The following SV2C variants were observed in gnomAD, a reference collection of about 807,000 sequenced individuals.
SV2C encodes solute carrier family 22 member B3.
In SV2C, 49 loss-of-function variants were observed where a neutral mutation model predicts 79.7. The ratio of observed to expected loss-of-function variants is 0.61; its 90% CI spans 0.49 to 0.78. The LOEUF is 0.78. SV2C is among the 30% of genes least tolerant of loss of function. The pLI, the probability that SV2C is intolerant of heterozygous loss-of-function variation, is 0.00. For synonymous variants in SV2C, 334 were observed against 333.2 expected (o/e 1.00, Z -0.03); for missense variants, 833 against 912.9 (o/e 0.91, Z 1.13).
chr5:75,943,465 G>A, the SV2C span, among the ~76,000 whole-genome samples: 1 of 151,924 alleles, frequency 6.6e-6, no homozygotes, highest in African/African-American at 2.4e-5. Flanking sequence ...CTCTTCTTCA[G>A]CTTACTCTTT....
At chr5:75,852,913 A>C in the SV2C span, among the ~76,000 whole-genome samples, 2 of 152,048 alleles carry the variant, frequency 1.3e-5, no homozygotes, top group Non-Finnish European at 1.5e-5. Flanking sequence ...GAAAGCTTGG[A>C]TCTACAATAA....
At chr5:76,246,140 G>C (rs1745941238) in intron 4 of SV2C, among the ~76,000 whole-genome samples, 1 of 151,908 alleles carries the variant, frequency 6.6e-6, no homozygotes, top group Non-Finnish European at 1.5e-5. Flanking sequence ...GGGAGTTAGG[G>C]GAATCACCAT....
At chr5:76,173,817 C>T (rs371533326) in intron 2 of SV2C, 3 of 1,599,864 alleles carry the variant, frequency 1.9e-6, no homozygotes, top group South Asian at 1.1e-5. Flanking sequence ...ACAACTCTTT[C>T]ATCTTCCAAG....
chr5:76,146,420 C>G (rs1749424816), intron 2 of SV2C, among the ~76,000 whole-genome samples: 1 of 152,188 alleles, frequency 6.6e-6, no homozygotes, highest in Admixed American at 6.5e-5. Context: ...CATGCCTCCC[C>G]TTTCTAGACC....
At chr5:76,007,537 A>G in the SV2C span, among the ~76,000 whole-genome samples, 8 of 152,266 alleles carry the variant, frequency 5.3e-5, no homozygotes, top group African/African-American at 1.9e-4. Flanking sequence ...TTGTGTTTAC[A>G]TCACTGAAAC....
At chr5:75,864,456 A>T in the SV2C span, among the ~76,000 whole-genome samples, 5 of 152,206 alleles carry the variant, frequency 3.3e-5, no homozygotes, top group Non-Finnish European at 5.9e-5. Flanking sequence ...AGAATCACAG[A>T]TCCCCAGAGA....
At chr5:76,303,102 A>G (rs1404747120) in intron 12 of SV2C, among the ~76,000 whole-genome samples, 18 of 152,130 alleles carry the variant, frequency 1.2e-4, no homozygotes, top group Non-Finnish European at 2.1e-4. Flanking sequence ...ATCTCCCTGC[A>G]GAACATCTAA....
At chr5:76,193,056 G>A (rs950633556) in intron 2 of SV2C, among the ~76,000 whole-genome samples, 4 of 152,126 alleles carry the variant, frequency 2.6e-5, no homozygotes, top group Non-Finnish European at 5.9e-5. Flanking sequence ...ACACCACATG[G>A]TTGGGCTTGA....
chr5:75,986,954 G>A, the SV2C span, among the ~76,000 whole-genome samples: 4 of 152,018 alleles, frequency 2.6e-5, no homozygotes, highest in Admixed American at 2.6e-4. Context: ...TATGGGTTAG[G>A]CATGTTTGCT....
chr5:76,195,221 C>A, intron 3 of SV2C, 122 bp downstream of exon 3: 1 of 987,256 alleles, frequency 1.0e-6, no homozygotes, highest in Non-Finnish European at 1.5e-6. Flanking sequence ...CTCATGTCAG[C>A]CCTGGAAACC....
chr5:75,906,560 T>C, the SV2C span, among the ~76,000 whole-genome samples: 1 of 152,142 alleles, frequency 6.6e-6, no homozygotes, highest in Non-Finnish European at 1.5e-5. Flanking sequence ...GGATTATATA[T>C]GTCAAGAGTC....
chr5:75,962,702 C>T, the SV2C span, among the ~76,000 whole-genome samples: 1 of 152,118 alleles, frequency 6.6e-6, no homozygotes. Context: ...ACATCCTCCC[C>T]ACTAGCATCA....
At chr5:75,872,071 ATG>A in the SV2C span, among the ~76,000 whole-genome samples, 2 of 147,048 alleles carry the variant, frequency 1.4e-5, no homozygotes, top group Non-Finnish European at 1.5e-5. Flanking sequence ...ATACATATAT[ATG>A]AATATATATG....
At chr5:76,100,484 CTCT>C (rs1203980959) in intron 1 of SV2C, among the ~76,000 whole-genome samples, 1 of 152,282 alleles carries the variant, frequency 6.6e-6, no homozygotes, top group East Asian at 1.9e-4. Context: ...TGCCTACTTT[CTCT>C]TCTTAACAGG....
upstream of SV2C, chr5:76,079,367 CAA>C: frequency 3.3e-6 from 1 of 301,356 alleles, no homozygotes. Flanking sequence ...GAAATATATG[CAA>C]AAAACATGTG....
chr5:76,311,437 T>C (rs1748437228), intron 12 of SV2C: 1 of 152,256 alleles, frequency 6.6e-6, no homozygotes, highest in Non-Finnish European at 1.5e-5. Context: ...AATGTTGCAT[T>C]CAGGAATTTG....
intron 1 of SV2C, among the ~76,000 whole-genome samples, chr5:76,091,108 C>T (rs1468057937): frequency 6.6e-6 from 1 of 152,204 alleles, no homozygotes; most frequent in Admixed American, 6.5e-5. Flanking sequence ...TCACACCATT[C>T]TTTTCAACAC....
At chr5:76,243,340 C>T (rs570795772) in intron 4 of SV2C, among the ~76,000 whole-genome samples, 47 of 152,230 alleles carry the variant, frequency 3.1e-4, no homozygotes, top group African/African-American at 1.0e-3. Flanking sequence ...TCAACAAATG[C>T]GTATTGAGGG....
At chr5:76,055,781 T>C in the SV2C span, among the ~76,000 whole-genome samples, 1 of 152,310 alleles carries the variant, frequency 6.6e-6, no homozygotes, top group Admixed American at 6.5e-5. Context: ...AGTTCATTCA[T>C]GATTTGGCTC....
Sources: allele counts gnomAD v4.1 joint callset (sites outside exome capture counted in the v4.1 genomes callset), GRCh38; gene constraint gnomAD v4.1.1; transcripts MANE v1.5; gene names NCBI Gene and HGNC (gene_info 2026-07-23, HGNC 2026-07-21).